The following SLC38A11 variants were observed in gnomAD, a reference collection of about 807,000 sequenced individuals.
SLC38A11 encodes solute carrier family 38 member 11, also known as putative sodium-coupled neutral amino acid transporter 11.
A neutral mutation model predicts 49.4 loss-of-function variants in SLC38A11; 51 were observed. The ratio of observed to expected loss-of-function variants is 1.03; its 90% CI spans 0.83 to 1.30. SLC38A11 has a LOEUF of 1.30. SLC38A11 is among the 50% of genes most tolerant of loss of function. The pLI is 0.00. For missense variants in SLC38A11, 574 were observed against 556.2 expected (o/e 1.03, Z -0.32); for synonymous variants, 203 against 192.9 (o/e 1.05, Z -0.43).
rs140394337 is a variant in SLC38A11, at chr2:164,898,660, G to T, written c.1166C>A (p.Pro389Gln). The change falls in exon 12 of 12, where the codon CCA (proline) becomes CAA (glutamine). Residue 389 changes from proline (P) to glutamine (Q), a missense_variant. Physicochemically the swap from Pro to Gln is moderately conservative, Grantham distance 76. Coordinates refer to ENST00000685975, the MANE Select transcript of SLC38A11 (RefSeq NM_001351537.2). ...SACYLKLSEE[P>Q]RTHSDKIMSC... ...CATAATCTTATCGGAGTGTGTCCTT[G>T]GTTCTTCAGACAGTTTCAGATAACA... The T allele has an allele frequency of 2.1e-5, 34 of 1,613,418 alleles. No homozygotes were observed. The African/African-American group carries it at 4.1e-4, about 20-fold the overall frequency.
At chr2:164,923,111 C>A (rs1014618980) in intron 7 of SLC38A11, among the ~76,000 whole-genome samples, 6 of 152,146 alleles carry the variant, frequency 3.9e-5, no homozygotes, top group Non-Finnish European at 7.4e-5. Flanking sequence ...AGACCTCAAA[C>A]TATAAAAATC....
chr2:164,926,462 C>A (rs913679655), intron 7 of SLC38A11, among the ~76,000 whole-genome samples: 4 of 152,056 alleles, frequency 2.6e-5, no homozygotes, highest in Admixed American at 6.6e-5. Context: ...TGTTTGCATC[C>A]CCTCTAAAAT....
At chr2:164,908,529 C>A (rs920886008) in intron 11 of SLC38A11, 111 bp downstream of exon 11, 2 of 961,736 alleles carry the variant, frequency 2.1e-6, no homozygotes, top group Non-Finnish European at 2.9e-6. Context: ...TATTTTGATT[C>A]CACTTCAAAA....
chr2:164,911,778 A>C, intron 9 of SLC38A11, 30 bp from the exon 10 acceptor site: 1 of 1,261,770 alleles, frequency 7.9e-7, no homozygotes, highest in Middle Eastern at 2.0e-4. Context: ...AAGTTTATTT[A>C]CTAGATACTA....
At chr2:164,919,103 G>A (rs1040012095) in intron 7 of SLC38A11, among the ~76,000 whole-genome samples, 4 of 152,250 alleles carry the variant, frequency 2.6e-5, no homozygotes, top group South Asian at 2.1e-4. Context: ...TTGGGAGGCC[G>A]AGGCAGAAGG....
chr2:164,900,357 T>A (rs2105441111), intron 11 of SLC38A11, among the ~76,000 whole-genome samples: 1 of 152,162 alleles, frequency 6.6e-6, no homozygotes, highest in South Asian at 2.1e-4. Flanking sequence ...CTATTTTTAA[T>A]TTCTTTAGGA....
At chr2:164,917,534 A>G (rs1404648444) in intron 7 of SLC38A11, among the ~76,000 whole-genome samples, 1 of 152,186 alleles carries the variant, frequency 6.6e-6, no homozygotes, top group African/African-American at 2.4e-5. Flanking sequence ...CATTAAAAGC[A>G]GCATACCTGT....
chr2:164,929,591 G>A (rs1461475011), intron 7 of SLC38A11, among the ~76,000 whole-genome samples: 1 of 152,068 alleles, frequency 6.6e-6, no homozygotes. Flanking sequence ...CAGCCAAACA[G>A]GAAGCACAGA....
intron 3 of SLC38A11, among the ~76,000 whole-genome samples, chr2:164,949,008 T>C (rs1026567205): frequency 1.3e-5 from 2 of 151,740 alleles, no homozygotes; most frequent in South Asian, 2.1e-4. Flanking sequence ...ATTTTTATTA[T>C]GGTATTTTTT....
chr2:164,903,722 A>T (rs2105445745), intron 11 of SLC38A11, among the ~76,000 whole-genome samples: 1 of 152,328 alleles, frequency 6.6e-6, no homozygotes, highest in East Asian at 1.9e-4. Flanking sequence ...ACTGCTTATT[A>T]AAAAGACAAC....
intron 9 of SLC38A11, among the ~76,000 whole-genome samples, chr2:164,913,347 C>A (rs762876124): frequency 1.1e-4 from 17 of 152,000 alleles, no homozygotes; most frequent in Admixed American, 2.0e-4. Flanking sequence ...AAAAAATGAG[C>A]CCTATTGTCT....
intron 3 of SLC38A11, among the ~76,000 whole-genome samples, chr2:164,947,115 CTCTTTTTTTTTTTTTTTTT>C (rs2105513205): frequency 1.6e-5 from 1 of 63,102 alleles, no homozygotes. Context: ...ACTTTTTTAT[CTCTTTTTTTTTTTTTTTTT>C]TTTTTTTTTT....
chr2:164,945,979 GAAAA>G (rs1688077693), intron 3 of SLC38A11, among the ~76,000 whole-genome samples: 1 of 152,100 alleles, frequency 6.6e-6, no homozygotes, highest in African/African-American at 2.4e-5. Flanking sequence ...GAACAGGACA[GAAAA>G]GAAAACAGAC....
chr2:164,900,913 T>C (rs907945275), intron 11 of SLC38A11, among the ~76,000 whole-genome samples: 1 of 152,142 alleles, frequency 6.6e-6, no homozygotes, highest in Non-Finnish European at 1.5e-5. Flanking sequence ...CTATGTTCTC[T>C]TCTAGGAATT....
intron 3 of SLC38A11, among the ~76,000 whole-genome samples, chr2:164,950,628 G>A (rs1024223872): frequency 6.6e-6 from 1 of 151,884 alleles, no homozygotes; most frequent in Non-Finnish European, 1.5e-5. Context: ...AAATAATTTT[G>A]TATGCTCAGA....
chr2:164,934,439 C>G (rs911058451), intron 7 of SLC38A11, among the ~76,000 whole-genome samples: 1 of 152,016 alleles, frequency 6.6e-6, no homozygotes, highest in African/African-American at 2.4e-5. Context: ...TCTCCAATGG[C>G]GAAATAATGA....
In SLC38A11 at chr2:164,952,725, A is replaced by C. The variant is rs1389645508; in HGVS notation, c.211T>G (p.Trp71Gly). The C allele has an allele frequency of 6.2e-7, 1 of 1,609,102 alleles. No homozygotes were observed. Among genetic ancestry groups the C allele is most frequent in the Non-Finnish European group, 8.5e-7 (1 of 1,178,390 alleles). ...ATTTTACCTGTAACATATGAAACCC[A>C]GAATAAAAGCAATATTCCCAAAGGA... is the stretch of plus-strand genomic sequence containing the variant. ...GFPLGILLLF[W>G]VSYVTDFSLV... Residue 71 changes from tryptophan (W) to glycine (G), a missense_variant, in exon 3 of 12, where the codon TGG becomes GGG. By Grantham distance (184) the Trp-to-Gly change is radical. Coordinates refer to ENST00000685975, the MANE Select transcript of SLC38A11 (RefSeq NM_001351537.2).
At chr2:164,914,397 A>G (rs1458043730) in intron 9 of SLC38A11, among the ~76,000 whole-genome samples, 1 of 152,024 alleles carries the variant, frequency 6.6e-6, no homozygotes, top group Non-Finnish European at 1.5e-5. Context: ...AGAGAGAAAT[A>G]TCTTTGGAGG....
intron 7 of SLC38A11, among the ~76,000 whole-genome samples, chr2:164,932,604 G>GGGCA (rs1307321960): frequency 6.6e-6 from 1 of 152,038 alleles, no homozygotes; most frequent in African/African-American, 2.4e-5. Context: ...GAGCTGGAGA[G>GGGCA]GGCATTATCC....
Sources: gnomAD v4.1 joint callset for allele counts (sites outside exome capture counted in the v4.1 genomes callset) on GRCh38, gnomAD v4.1.1 for gene constraint, MANE v1.5 for transcripts, NCBI Gene and HGNC (gene_info 2026-07-23, HGNC 2026-07-21) for gene names.